Variants in FBXL17 observed in about 807,000 individuals in gnomAD.
FBXL17 encodes the protein F-box and leucine rich repeat protein 17.
In FBXL17, 22 loss-of-function variants were observed where a neutral mutation model predicts 66.2. That is an observed-to-expected ratio of 0.33 (90% CI 0.24 to 0.47). The LOEUF is 0.47. Among genes scored for constraint, FBXL17 ranks in the 20% least tolerant of loss-of-function variants. FBXL17 has a pLI of 1.00. For missense variants in FBXL17, 878 were observed against 948.2 expected (o/e 0.93, Z 0.97); for synonymous variants, 474 against 400.5 (o/e 1.18, Z -2.19).
intron 4 of FBXL17, among the ~76,000 whole-genome samples, chr5:108,328,671 T>C (rs577139527): frequency 1.3e-5 from 2 of 151,860 alleles, no homozygotes; most frequent in Non-Finnish European, 2.9e-5. Flanking sequence ...TATTTTCTAC[T>C]TTTCTATATT....
In FBXL17 at chr5:108,381,727, G is replaced by A. The variant is rs1749966623; in HGVS notation, c.-36C>T. Reference sequence around the variant, plus strand: ...CCGAGGAGGGGGACCGGGACGGGAGGGAGGGAGACCCAGAGAGGCGGGCTC... The same window carrying A: ...CCGAGGAGGGGGACCGGGACGGGAGAGAGGGAGACCCAGAGAGGCGGGCTC... On this transcript the variant is annotated 5_prime_UTR_variant, in exon 1 of 9. Coordinates refer to ENST00000542267, the MANE Select transcript of FBXL17 (RefSeq NM_001163315.3). 5 of 1,405,436 alleles carry A rather than the reference G, an allele frequency of 3.6e-6. No individual in the cohort carries two copies. Among genetic ancestry groups the A allele is most frequent in the Admixed American group, 3.2e-5 (1 of 30,864 alleles). The allele number at this position is 1,405,436 out of a possible 1,614,324, so 87.1% of individuals were successfully genotyped here.
At chr5:108,214,183 G>C (rs995519857) in intron 5 of FBXL17, among the ~76,000 whole-genome samples, 4 of 152,066 alleles carry the variant, frequency 2.6e-5, no homozygotes, top group African/African-American at 9.7e-5. Flanking sequence ...CTTTATCATA[G>C]GTATGAATGG....
At chr5:108,021,105 T>G in intron 6 of FBXL17, 104 bp from the exon 7 acceptor site, 1 of 733,022 alleles carries the variant, frequency 1.4e-6, no homozygotes, top group Non-Finnish European at 2.4e-6. Flanking sequence ...CCACAGCTTC[T>G]TTAATGGTGT....
In FBXL17 at chr5:108,289,344, C is replaced by T. The variant is rs137886942; in HGVS notation, c.1506+59055G>A. Among the ~76,000 whole-genome samples, 532 of 152,258 alleles carry T rather than the reference C, an allele frequency of 3.5e-3. 3 individuals are homozygous for T. Among genetic ancestry groups the T allele is most frequent in the African/African-American group, 0.012 (509 of 41,556 alleles). On this transcript the variant is annotated intron_variant, in intron 4 of 8. Transcript: ENST00000542267. ...AGACGTTCCTTGAATTAGGAAGTTA[C>T]ATCCATTCTTTGTTCTAATATTTGG...
intron 4 of FBXL17, among the ~76,000 whole-genome samples, chr5:108,292,240 G>A (rs1758143141): frequency 6.6e-6 from 1 of 151,670 alleles, no homozygotes; most frequent in Admixed American, 6.6e-5. Flanking sequence ...TCCTGCCTCA[G>A]CCTCCCAAGT....
At chr5:108,335,861 C>A (rs1043216797) in intron 4 of FBXL17, among the ~76,000 whole-genome samples, 1 of 151,942 alleles carries the variant, frequency 6.6e-6, no homozygotes, top group Non-Finnish European at 1.5e-5. Context: ...CTTGGACTAA[C>A]TTTATAGCAG....
chr5:107,956,311 A>C (rs1020500892), intron 7 of FBXL17, among the ~76,000 whole-genome samples: 3 of 152,162 alleles, frequency 2.0e-5, no homozygotes, highest in Non-Finnish European at 4.4e-5. Flanking sequence ...ATGTTAAGGA[A>C]CCTGCAATTT....
intron 6 of FBXL17, among the ~76,000 whole-genome samples, chr5:108,095,571 T>A (rs1295842268): frequency 6.6e-6 from 1 of 152,164 alleles, no homozygotes; most frequent in African/African-American, 2.4e-5. Flanking sequence ...TCTGTTTTGA[T>A]AATTTATTGA....
At chr5:107,901,784 G>A (rs1473548753) in intron 7 of FBXL17, among the ~76,000 whole-genome samples, 1 of 152,110 alleles carries the variant, frequency 6.6e-6, no homozygotes, top group African/African-American at 2.4e-5. Flanking sequence ...AAGATAAATG[G>A]CAACCAACAC....
chr5:107,949,457 T>C (rs1455868415), intron 7 of FBXL17, among the ~76,000 whole-genome samples: 1 of 152,102 alleles, frequency 6.6e-6, no homozygotes, highest in Non-Finnish European at 1.5e-5. Context: ...ATTTGAAAAA[T>C]CTTTTTACAG....
chr5:108,050,852 G>T lies in FBXL17; in HGVS notation c.1746-29851C>A, dbSNP rs570341703. ...AAAGAGAGAAAAATCAAATCAAACA[G>T]AAAAATCAAATATATTTGATGAAAT... On this transcript the variant is annotated intron_variant, in intron 6 of 8. Transcript: ENST00000542267. Among the ~76,000 whole-genome samples the T allele has an allele frequency of 2.0e-5, 3 of 146,670 alleles. No homozygotes were observed. The South Asian group carries it at 6.3e-4, about 31-fold the overall frequency.
chr5:108,121,333 AAAAG>A (rs1245575716), intron 6 of FBXL17, among the ~76,000 whole-genome samples: 3 of 152,166 alleles, frequency 2.0e-5, no homozygotes, highest in Non-Finnish European at 4.4e-5. Context: ...TCTCAAAAAA[AAAAG>A]AAAGAAAATC....
intron 4 of FBXL17, among the ~76,000 whole-genome samples, chr5:108,330,921 C>T (rs552375313): frequency 1.3e-3 from 193 of 152,112 alleles, no homozygotes; most frequent in Non-Finnish European, 2.0e-3. Context: ...GGCATGGTGG[C>T]GGGCACCTGT....
At chr5:108,035,669 G>A (rs903399559) in intron 6 of FBXL17, among the ~76,000 whole-genome samples, 6 of 152,112 alleles carry the variant, frequency 3.9e-5, no homozygotes, top group Non-Finnish European at 8.8e-5. Context: ...ATCCGGCTGG[G>A]AGAGGAAGAA....
At chr5:108,002,362 C>T (rs778445451) in intron 7 of FBXL17, among the ~76,000 whole-genome samples, 48 of 151,956 alleles carry the variant, frequency 3.2e-4, no homozygotes, top group Admixed American at 5.9e-4. Context: ...AAAACTCCTT[C>T]TCTTTCAAAA....
intron 7 of FBXL17, among the ~76,000 whole-genome samples, chr5:107,981,199 G>C (rs1423297348): frequency 1.3e-5 from 2 of 152,166 alleles, no homozygotes; most frequent in Admixed American, 1.3e-4. Context: ...TTGAGCAGGA[G>C]TCCATGCTAG....
intron 7 of FBXL17, among the ~76,000 whole-genome samples, chr5:107,965,949 G>GT (rs200975379): frequency 0.011 from 1,745 of 152,050 alleles, 37 homozygotes; most frequent in African/African-American, 0.04. Context: ...TCTAGTGACA[G>GT]TTTTTTTTCT....
intron 5 of FBXL17, among the ~76,000 whole-genome samples, chr5:108,207,378 G>A (rs1754167313): frequency 6.6e-6 from 1 of 151,794 alleles, no homozygotes; most frequent in South Asian, 2.1e-4. Context: ...ATGGCAGAAC[G>A]TGCAGTTTTG....
At chr5:108,147,855 C>G (rs1751618744) in intron 6 of FBXL17, among the ~76,000 whole-genome samples, 1 of 151,890 alleles carries the variant, frequency 6.6e-6, no homozygotes, top group Non-Finnish European at 1.5e-5. Flanking sequence ...ATAACAACCT[C>G]TTAATAGCAA....
Sources: gnomAD v4.1 joint callset for allele counts (sites outside exome capture counted in the v4.1 genomes callset) on GRCh38, gnomAD v4.1.1 for gene constraint, MANE v1.5 for transcripts, NCBI Gene and HGNC (gene_info 2026-07-23, HGNC 2026-07-21) for gene names.